The following BACE2 variants were observed in gnomAD, a reference collection of about 807,000 sequenced individuals.
BACE2 encodes beta-secretase 2.
In BACE2, 17 loss-of-function variants were observed where a neutral mutation model predicts 46.2. That is an observed-to-expected ratio of 0.37 (90% CI 0.25 to 0.55). The LOEUF (loss-of-function observed/expected upper bound fraction) is 0.55. BACE2 is among the 20% of genes least tolerant of loss of function. The pLI is 0.82. For missense variants in BACE2, 595 were observed against 698.1 expected (o/e 0.85, Z 1.66); for synonymous variants, 277 against 295.9 (o/e 0.94, Z 0.66).
chr21:41,240,887 A>G (rs1449864059), intron 3 of BACE2, among the ~76,000 whole-genome samples: 2 of 152,204 alleles, frequency 1.3e-5, no homozygotes, highest in South Asian at 2.1e-4. Context: ...TCACAGTTTT[A>G]GTTCTCACGG....
rs925561674 is a variant in BACE2 at position 41,278,857 on chromosome 21, C to G, written c.*3233C>G. On this transcript the variant is annotated 3_prime_UTR_variant, in exon 9 of 9. Coordinates refer to ENST00000330333, the MANE Select transcript of BACE2 (RefSeq NM_012105.5). ...ATATCATTGGGAATAAATCGTTGTT[C>G]AACAGTCTGTTCCACAAACAACAGT... 5 of 152,090 alleles carry G rather than the reference C, an allele frequency of 3.3e-5. No homozygotes were observed. Among genetic ancestry groups the G allele is most frequent in the Admixed American group, 2.0e-4 (3 of 15,260 alleles). 9.4% of individuals were successfully genotyped at this position (152,090 alleles called of 1,614,324 possible).
chr21:41,275,839 A>G lies in BACE2; in HGVS notation c.*215A>G, dbSNP rs1156244374. 9.1e-6 allele frequency: 6 copies of G among 659,392 alleles called. No individual in the cohort carries two copies. Among genetic ancestry groups the G allele is most frequent in the African/African-American group, 9.1e-5 (5 of 55,114 alleles). The allele number at this position is 659,392 out of a possible 1,614,324, so 40.8% of individuals were successfully genotyped here. A position where few individuals can be genotyped will look rare whatever the true frequency, so the allele number is the denominator to read the frequency against. ...ACTTCCAAGAAAAATAATTAAAAAA[A>G]AAACTTCATTCTAAACCAAAACAGA... On this transcript the variant is annotated 3_prime_UTR_variant, in exon 9 of 9. Coordinates refer to ENST00000330333, the MANE Select transcript of BACE2 (RefSeq NM_012105.5).
At chr21:41,199,767 A>G (rs35119267) in intron 1 of BACE2, among the ~76,000 whole-genome samples, 9 of 152,098 alleles carry the variant, frequency 5.9e-5, no homozygotes, top group African/African-American at 2.2e-4. Flanking sequence ...CTGGCAGGCA[A>G]GGTGGTGTGT....
rs376388775 is a variant in BACE2, at chr21:41,179,923, C to T, written c.312+11348C>T. ...CGAGCCCTAAGATTGAAGCATAGCC[C>T]GGGAGGGTTCTTAGCTTTGCCCAGG... is the stretch of plus-strand genomic sequence containing the variant. On this transcript the variant is annotated intron_variant, in intron 1 of 8. Transcript: ENST00000330333. 688 of 370,478 alleles carry T rather than the reference C, an allele frequency of 1.9e-3. 11 individuals are homozygous for T. Among genetic ancestry groups the T allele is most frequent in the South Asian group, 0.014 (645 of 46,674 alleles). 22.9% of individuals were successfully genotyped at this position (370,478 alleles called of 1,614,324 possible).
chr21:41,225,164 G>A (rs375848896), intron 1 of BACE2, among the ~76,000 whole-genome samples: 19 of 151,596 alleles, frequency 1.3e-4, no homozygotes, highest in African/African-American at 3.6e-4. Context: ...AACCTGGGAG[G>A]CAGAGTTTGC....
At chr21:41,238,948 T>G (rs1601296851) in intron 3 of BACE2, among the ~76,000 whole-genome samples, 1 of 90,350 alleles carries the variant, frequency 1.1e-5, no homozygotes, top group Admixed American at 1.6e-4. Context: ...AAACTTAAAG[T>G]ATAATTAAAA....
At chr21:41,215,492 AG>A (rs1408915727) in intron 1 of BACE2, among the ~76,000 whole-genome samples, 8 of 152,206 alleles carry the variant, frequency 5.3e-5, no homozygotes, top group Non-Finnish European at 1.2e-4. Flanking sequence ...TGCCCTGCAA[AG>A]GCCCTCGAGG....
intron 1 of BACE2, among the ~76,000 whole-genome samples, chr21:41,170,335 T>C (rs1984562780): frequency 6.6e-6 from 1 of 152,254 alleles, no homozygotes; most frequent in African/African-American, 2.4e-5. Flanking sequence ...CCTAGGCTCC[T>C]GTCTTTACCG....
chr21:41,249,346 G>T (rs373431096), intron 6 of BACE2, among the ~76,000 whole-genome samples: 20 of 150,554 alleles, frequency 1.3e-4, no homozygotes, highest in East Asian at 9.8e-4. Context: ...TGTACACTTG[G>T]CCTCAGGGGA....
At chr21:41,254,710 A>G (rs1339555449) in intron 7 of BACE2, among the ~76,000 whole-genome samples, 1 of 152,244 alleles carries the variant, frequency 6.6e-6, no homozygotes, top group African/African-American at 2.4e-5. Flanking sequence ...TCTTGGCTCC[A>G]GGGATATCAA....
rs200758268 is a variant in BACE2 at position 41,168,429 on chromosome 21, C to T, written c.166C>T (p.His56Tyr). ...TPGPGTPAER[H>Y]ADGLALALEP... ...GGGACCCGGGACCCCTGCCGAGCGCCACGCCGACGGCTTGGCGCTCGCCCT... is the reference window on the plus strand; with the variant it reads ...GGGACCCGGGACCCCTGCCGAGCGCTACGCCGACGGCTTGGCGCTCGCCCT... Residue 56 changes from histidine (H) to tyrosine (Y), a missense_variant, in exon 1 of 9, where the codon CAC becomes TAC. Coordinates refer to ENST00000330333, the MANE Select transcript of BACE2 (RefSeq NM_012105.5). 1.9e-4 allele frequency: 262 copies of T among 1,398,948 alleles called. 4 individuals are homozygous for T. In the East Asian group the frequency reaches 5.7e-3, roughly 30 times the overall value. 86.7% of individuals were successfully genotyped at this position (1,398,948 alleles called of 1,614,324 possible).
At chr21:41,224,414 C>T (rs1214936637) in intron 1 of BACE2, among the ~76,000 whole-genome samples, 1 of 152,010 alleles carries the variant, frequency 6.6e-6, no homozygotes, top group Non-Finnish European at 1.5e-5. Flanking sequence ...TGGGGTTTCA[C>T]CGTGTTAGCC....
In BACE2 at chr21:41,180,032, C is replaced by CT. The variant is rs532899213; in HGVS notation, c.312+11459dup. On this transcript the variant is annotated intron_variant, in intron 1 of 8. Coordinates refer to ENST00000330333, the MANE Select transcript of BACE2 (RefSeq NM_012105.5). ...CACAGCAGCAGCAGAGGCGCTGCTC[C>CT]TTGCAAAGCAGGGCTGCCCTACAGG... is the stretch of plus-strand genomic sequence containing the variant. The CT allele has an allele frequency of 1.7e-4, 54 of 317,920 alleles. 1 individual carries two copies. In the East Asian group the frequency reaches 4.2e-3, roughly 25 times the overall value. The allele number at this position is 317,920 out of a possible 1,614,324, so 19.7% of individuals were successfully genotyped here. A position where few individuals can be genotyped will look rare whatever the true frequency, so the allele number is the denominator to read the frequency against.
rs199941560 is a variant in BACE2, at chr21:41,218,356, C to T, written c.313-7910C>T. Among the ~76,000 whole-genome samples, 49 of 152,226 alleles carry T rather than the reference C, an allele frequency of 3.2e-4. No individual in the cohort carries two copies. The East Asian group carries it at 8.7e-3, about 27-fold the overall frequency. ...AAAAATATGACCCAAATGCACAAAA[C>T]CCAGGCAGATCATTCTTCAAGTGTA... On this transcript the variant is annotated intron_variant, in intron 1 of 8. Coordinates refer to ENST00000330333, the MANE Select transcript of BACE2 (RefSeq NM_012105.5).
At chr21:41,194,384 CTG>C (rs1417107361) in intron 1 of BACE2, among the ~76,000 whole-genome samples, 1 of 152,132 alleles carries the variant, frequency 6.6e-6, no homozygotes, top group Non-Finnish European at 1.5e-5. Context: ...AGCTGGGTGA[CTG>C]AATAAAACAC....
intron 8 of BACE2, among the ~76,000 whole-genome samples, chr21:41,264,713 A>G (rs1373448680): frequency 1.3e-5 from 2 of 151,888 alleles, no homozygotes; most frequent in Non-Finnish European, 2.9e-5. Flanking sequence ...TGATCCAGTC[A>G]CCTCCCACCA....
At chr21:41,184,800 G>A (rs1281189859) in intron 1 of BACE2, 1 of 166,984 alleles carries the variant, frequency 6.0e-6, no homozygotes, top group East Asian at 1.9e-4. Context: ...CCTTATGCAT[G>A]GCATTCTAAT....
intron 1 of BACE2, among the ~76,000 whole-genome samples, chr21:41,194,469 G>A (rs1268849663): frequency 2.0e-5 from 3 of 152,206 alleles, no homozygotes; most frequent in Non-Finnish European, 2.9e-5. Context: ...CACAGTTGTA[G>A]GCAGTGGATC....
chr21:41,246,144 C>A, intron 6 of BACE2, 81 bp downstream of exon 6: 2 of 1,017,910 alleles, frequency 2.0e-6, no homozygotes. Flanking sequence ...GTGTTCTGAG[C>A]ATCTCTGAAC....
Sources: allele counts gnomAD v4.1 joint callset (sites outside exome capture counted in the v4.1 genomes callset), GRCh38; gene constraint gnomAD v4.1.1; transcripts MANE v1.5; gene names NCBI Gene and HGNC (gene_info 2026-07-23, HGNC 2026-07-21).